Variants in DDX4 observed in about 807,000 individuals in gnomAD.
The protein encoded by DDX4 is probable ATP-dependent RNA helicase DDX4.
A neutral mutation model predicts 100.0 loss-of-function variants in DDX4; 25 were observed. The observed-to-expected ratio is 0.25, with a 90% CI of 0.18 to 0.35. DDX4 has a LOEUF of 0.35. Ranked by LOEUF, DDX4 falls within the 10% of genes least tolerant of loss-of-function variation. The pLI is 1.00. For missense variants in DDX4, 635 were observed against 882.4 expected (o/e 0.72, Z 3.55); for synonymous variants, 259 against 275.7 (o/e 0.94, Z 0.60).
intron 17 of DDX4, among the ~76,000 whole-genome samples, chr5:55,797,693 C>T (rs545479880): frequency 1.9e-3 from 284 of 152,296 alleles, no homozygotes; most frequent in Non-Finnish European, 3.3e-3. Context: ...ACTCATCTTT[C>T]TCATTAGCAA....
intron 3 of DDX4, among the ~76,000 whole-genome samples, chr5:55,753,465 A>G (rs1401840728): frequency 2.0e-5 from 3 of 152,170 alleles, no homozygotes; most frequent in Non-Finnish European, 4.4e-5. Context: ...CAGGTTTGTC[A>G]AAGATCAGAT....
intron 10 of DDX4, among the ~76,000 whole-genome samples, chr5:55,782,629 TA>T (rs1741992517): frequency 6.6e-6 from 1 of 151,700 alleles, no homozygotes; most frequent in Non-Finnish European, 1.5e-5. Flanking sequence ...AAAAACTGTT[TA>T]ATAAAATAAT....
chr5:55,791,960 A>G (rs945637074), intron 16 of DDX4, among the ~76,000 whole-genome samples: 1 of 151,914 alleles, frequency 6.6e-6, no homozygotes, highest in African/African-American at 2.4e-5. Flanking sequence ...AAACACACAC[A>G]CACACACACA....
chr5:55,806,512 C>T (rs1419386294), intron 18 of DDX4, among the ~76,000 whole-genome samples: 1 of 152,178 alleles, frequency 6.6e-6, no homozygotes, highest in Non-Finnish European at 1.5e-5. Flanking sequence ...CCCAGAAATT[C>T]TGGTATGTTG....
intron 18 of DDX4, among the ~76,000 whole-genome samples, chr5:55,802,269 G>T (rs866394683): frequency 1.3e-5 from 2 of 152,258 alleles, no homozygotes; most frequent in African/African-American, 4.8e-5. Flanking sequence ...GGGATGGGGT[G>T]TCAGTGAGAT....
At chr5:55,807,953 A>C (rs145358320) in intron 18 of DDX4, among the ~76,000 whole-genome samples, 1,923 of 152,306 alleles carry the variant, frequency 0.013, 41 homozygotes, top group African/African-American at 0.044. Context: ...TTTCAGGTAC[A>C]CCAATCAGAT....
intron 17 of DDX4, among the ~76,000 whole-genome samples, chr5:55,796,033 C>T (rs555199634): frequency 6.6e-6 from 1 of 152,248 alleles, no homozygotes; most frequent in Non-Finnish European, 1.5e-5. Context: ...GTCCAAAGAA[C>T]CTGGAGTATG....
intron 7 of DDX4, among the ~76,000 whole-genome samples, chr5:55,770,766 G>A (rs570802586): frequency 6.6e-6 from 1 of 152,036 alleles, no homozygotes; most frequent in South Asian, 2.1e-4. Flanking sequence ...GAGGGGTGGT[G>A]GTGGGGAGAA....
Position 55,785,850 on chromosome 5 carries a change from T to C in DDX4, c.843T>C (p.His281=). 6.2e-7 allele frequency: 1 copy of C among 1,610,704 alleles called. No individual in the cohort carries two copies. The highest frequency in any genetic ancestry group is 1.7e-4 in the Middle Eastern group (1 of 6,050). Residue 281 remains histidine (H), a synonymous_variant, in exon 13 of 22, where the codon CAT becomes CAC. Coordinates refer to ENST00000505374, the MANE Select transcript of DDX4 (RefSeq NM_024415.3). The part of the protein sequence containing the change: ...YDTILVEVSG[H]DAPPAILTFE... ...CTATTCTTGTGGAAGTGTCTGGACATGATGCACCACCAGCAATTCTGGTCA... is the reference window on the plus strand; with the variant it reads ...CTATTCTTGTGGAAGTGTCTGGACACGATGCACCACCAGCAATTCTGGTCA...
In DDX4 at chr5:55,799,256, T is replaced by G. The variant is rs142621507; in HGVS notation, c.1615+685T>G. On this transcript the variant is annotated intron_variant, in intron 18 of 21. Transcript: ENST00000505374. Reference sequence around the variant, plus strand: ...CTAATTCTATTATTTTTTGTAGAGATAGGGGTCTCACTATTGACCAGGCTG... The same window carrying G: ...CTAATTCTATTATTTTTTGTAGAGAGAGGGGTCTCACTATTGACCAGGCTG... 5.0e-3 allele frequency among the ~76,000 whole-genome samples: 765 copies of G among 152,236 alleles called. 4 individuals are homozygous for G. The highest frequency in any genetic ancestry group is 9.9e-3 in the Admixed American group (151 of 15,286).
At chr5:55,782,022 T>C in intron 10 of DDX4, 41 bp downstream of exon 10, 1 of 1,608,338 alleles carries the variant, frequency 6.2e-7, no homozygotes, top group South Asian at 1.1e-5. Context: ...GTTAAAATCA[T>C]TGTATTCCAA....
chr5:55,802,887 G>A (rs1333216480), intron 18 of DDX4, among the ~76,000 whole-genome samples: 1 of 151,890 alleles, frequency 6.6e-6, no homozygotes, highest in Middle Eastern at 3.2e-3. Flanking sequence ...AGGTAATAAA[G>A]CCATTTAAAA....
intron 18 of DDX4, among the ~76,000 whole-genome samples, chr5:55,807,125 T>C (rs1037757558): frequency 2.6e-5 from 4 of 152,230 alleles, no homozygotes; most frequent in Non-Finnish European, 5.9e-5. Context: ...GTCTGTTTTA[T>C]CAGAGACTAG....
chr5:55,785,306 A>AATTGT lies in DDX4; in HGVS notation c.636_637insTTGTA (p.Gly213LeufsTer2). On this transcript the variant is annotated frameshift_variant, in exon 11 of 22. Coordinates refer to ENST00000505374, the MANE Select transcript of DDX4 (RefSeq NM_024415.3). LOFTEE classifies it high-confidence loss of function. ...TGAATTTCTTTAATAGGTGGTTACA[A>AATTGT]AGGTTTAAATGAAGAAGTAATAACA... is the stretch of plus-strand genomic sequence containing the variant. 1 of 1,601,854 alleles carries AATTGT rather than the reference A, an allele frequency of 6.2e-7. No homozygotes were observed. Among genetic ancestry groups the AATTGT allele is most frequent in the South Asian group, 1.1e-5 (1 of 90,430 alleles).
At chr5:55,782,427 C>T (rs1281457614) in intron 10 of DDX4, 2 of 158,352 alleles carry the variant, frequency 1.3e-5, no homozygotes, top group African/African-American at 2.4e-5. Context: ...TAGTGAAACC[C>T]CCGTCTCTAC....
chr5:55,741,117 T>C lies in DDX4; in HGVS notation c.69+2085T>C, dbSNP rs866218756. Among the ~76,000 whole-genome samples, 66 of 152,328 alleles carry C rather than the reference T, an allele frequency of 4.3e-4. No individual in the cohort carries two copies. In the Middle Eastern group the frequency reaches 0.01, roughly 24 times the overall value. On this transcript the variant is annotated intron_variant, in intron 2 of 21. Coordinates refer to ENST00000505374, the MANE Select transcript of DDX4 (RefSeq NM_024415.3). Reference sequence around the variant, plus strand: ...TTAATAGCCATCTGTCCAATTTCTTTTTTCTTAGTTTGAGATTTTTGTCTT... The same window carrying C: ...TTAATAGCCATCTGTCCAATTTCTTCTTTCTTAGTTTGAGATTTTTGTCTT...
In DDX4 at chr5:55,767,373, C is replaced by T. The variant is rs533082516; in HGVS notation, c.335-508C>T. On this transcript the variant is annotated intron_variant, in intron 6 of 21. Transcript: ENST00000505374. ...GGGATAATCGCTTGAACCCGGGAGG[C>T]GGAGGTTGCAGTGAGCAGAGGTTGT... Among the ~76,000 whole-genome samples the T allele has an allele frequency of 7.9e-5, 12 of 152,268 alleles. No individual in the cohort carries two copies. In the East Asian group the frequency reaches 2.1e-3, roughly 27 times the overall value.
chr5:55,794,672 G>A (rs1193800753), intron 17 of DDX4, among the ~76,000 whole-genome samples: 1 of 152,044 alleles, frequency 6.6e-6, no homozygotes, highest in Non-Finnish European at 1.5e-5. Context: ...TATTTGTCGA[G>A]GATCTTTTGT....
chr5:55,782,691 C>A (rs1280159625), intron 10 of DDX4, among the ~76,000 whole-genome samples: 1 of 151,806 alleles, frequency 6.6e-6, no homozygotes, highest in Non-Finnish European at 1.5e-5. Context: ...ATAATATGTA[C>A]AAATCCTTAT....
Sources: allele counts gnomAD v4.1 joint callset (sites outside exome capture counted in the v4.1 genomes callset), GRCh38; gene constraint gnomAD v4.1.1; transcripts MANE v1.5; gene names NCBI Gene and HGNC (gene_info 2026-07-23, HGNC 2026-07-21).